Variants in PDS5B observed in about 807,000 individuals in gnomAD.
PDS5B encodes PDS5 cohesin associated factor B, also known as sister chromatid cohesion protein PDS5 homolog B.
In PDS5B, 51 loss-of-function variants were observed where a neutral mutation model predicts 184.1. The observed-to-expected ratio is 0.28, with a 90% CI of 0.22 to 0.35. PDS5B has a LOEUF of 0.35. Among genes scored for constraint, PDS5B ranks in the 10% least tolerant of loss-of-function variants. The pLI is 1.00. For missense variants in PDS5B, 1,180 were observed against 1,723.3 expected, an observed-to-expected ratio of 0.68 and a Z score of 5.58; for synonymous variants, 566 against 569.2, an observed-to-expected ratio of 0.99 and a Z score of 0.08.
intron 1 of PDS5B, among the ~76,000 whole-genome samples, chr13:32,625,419 T>C (rs2058356135): frequency 6.6e-6 from 1 of 152,190 alleles, no homozygotes; most frequent in African/African-American, 2.4e-5. Flanking sequence ...GCACATTTCA[T>C]TGTGACAGCA....
intron 6 of PDS5B, among the ~76,000 whole-genome samples, chr13:32,666,600 T>TA (rs68181366): frequency 5.1e-4 from 75 of 148,264 alleles, no homozygotes; most frequent in Middle Eastern, 3.5e-3. Context: ...TACATATCCA[T>TA]AAAAAAAAAA....
chr13:32,744,265 G>C (rs1953667506), intron 23 of PDS5B, among the ~76,000 whole-genome samples: 1 of 152,094 alleles, frequency 6.6e-6, no homozygotes. Context: ...AATGTAATTG[G>C]AATAATACCC....
chr13:32,708,366 T>A (rs1952093201), intron 18 of PDS5B, among the ~76,000 whole-genome samples: 1 of 152,234 alleles, frequency 6.6e-6, no homozygotes, highest in Non-Finnish European at 1.5e-5. Flanking sequence ...ATCACTAGTA[T>A]TTTCCTATTG....
chr13:32,660,097 G>A (rs1307489460), intron 6 of PDS5B, among the ~76,000 whole-genome samples: 6 of 152,182 alleles, frequency 3.9e-5, no homozygotes, highest in South Asian at 2.1e-4. Flanking sequence ...TGGGTTCCTA[G>A]TCAGCTGCCA....
chr13:32,727,084 TG>T, intron 19 of PDS5B, among the ~76,000 whole-genome samples: 1 of 152,236 alleles, frequency 6.6e-6, no homozygotes, highest in South Asian at 2.1e-4. Context: ...ATTGATATGG[TG>T]GGGTTTAAAG....
intron 7 of PDS5B, 99 bp from the exon 8 acceptor site, chr13:32,673,117 T>C: frequency 9.5e-7 from 1 of 1,052,420 alleles, no homozygotes; most frequent in Non-Finnish European, 1.4e-6. Flanking sequence ...TAGTTTGACT[T>C]TGTATAAAAT....
chr13:32,654,897 A>G (rs954516135), intron 3 of PDS5B, among the ~76,000 whole-genome samples: 29 of 152,154 alleles, frequency 1.9e-4, no homozygotes, highest in African/African-American at 7.0e-4. Flanking sequence ...TCCATGGTGT[A>G]TATGAAATAT....
Position 32,746,013 on chromosome 13 carries a change from G to A in PDS5B, c.2649G>A (p.Gly883=), listed in dbSNP as rs1173743201. 1 of 1,612,758 alleles carries A rather than the reference G, an allele frequency of 6.2e-7. No homozygotes were observed. The highest frequency in any genetic ancestry group is 1.7e-5 in the Admixed American group (1 of 60,006). ...TGTCACGTCTGAGACTTGCTGCTGGGAGTGCTATTGTGAAGCTGGCACAAG... is the reference window on the plus strand; with the variant it reads ...TGTCACGTCTGAGACTTGCTGCTGGAAGTGCTATTGTGAAGCTGGCACAAG... The part of the protein sequence containing the change: ...PDMSRLRLAA[G]SAIVKLAQEP... The change falls in exon 24 of 35, where the codon GGG becomes GGA. Residue 883 remains glycine, a synonymous_variant. Transcript: ENST00000315596.
At chr13:32,750,477 G>A (rs17516498) in intron 24 of PDS5B, among the ~76,000 whole-genome samples, 67,079 of 151,846 alleles carry the variant, frequency 0.44, 15,221 homozygotes, top group African/African-American at 0.49. Context: ...GTTTCGTGGA[G>A]TATGAGGGTA....
intron 1 of PDS5B, among the ~76,000 whole-genome samples, chr13:32,602,258 C>G (rs2057988139): frequency 1.3e-5 from 2 of 152,100 alleles, no homozygotes; most frequent in African/African-American, 4.8e-5. Context: ...TCCCCTCACC[C>G]CACTACAGGC....
intron 1 of PDS5B, among the ~76,000 whole-genome samples, chr13:32,608,994 T>C (rs1470454476): frequency 6.6e-6 from 1 of 152,218 alleles, no homozygotes; most frequent in East Asian, 1.9e-4. Flanking sequence ...CACCCATTCA[T>C]GGAAAAGAAT....
At chr13:32,620,553 A>G (rs2140533882) in intron 1 of PDS5B, among the ~76,000 whole-genome samples, 1 of 151,928 alleles carries the variant, frequency 6.6e-6, no homozygotes, top group South Asian at 2.1e-4. Flanking sequence ...GCTACTTGGC[A>G]GGCTGAGGCG....
chr13:32,726,666 G>A (rs571436691), intron 19 of PDS5B, among the ~76,000 whole-genome samples: 1 of 152,280 alleles, frequency 6.6e-6, no homozygotes, highest in African/African-American at 2.4e-5. Context: ...TGAGAATAGT[G>A]TAGCCATTTG....
rs958559510 is a variant in PDS5B, at chr13:32,659,571, T to C, written c.624+291T>C. On this transcript the variant is annotated intron_variant, in intron 6 of 34. Transcript: ENST00000315596. Reference sequence around the variant, plus strand: ...AGCTACTTAGATGCTGTTACATAACTTACTTGTCAGAAGATGGAACCAAGT... The same window carrying C: ...AGCTACTTAGATGCTGTTACATAACCTACTTGTCAGAAGATGGAACCAAGT... Among the ~76,000 whole-genome samples the C allele has an allele frequency of 3.3e-5, 5 of 152,312 alleles. No individual in the cohort carries two copies. The East Asian group carries it at 9.6e-4, about 29-fold the overall frequency.
intron 8 of PDS5B, 51 bp from the exon 9 acceptor site, chr13:32,675,793 T>C: frequency 1.8e-6 from 2 of 1,094,628 alleles, no homozygotes; most frequent in Non-Finnish European, 2.8e-6. Context: ...GGCAGCCTTA[T>C]TCTGAATATC....
chr13:32,714,893 A>T (rs1952325807), intron 19 of PDS5B, among the ~76,000 whole-genome samples: 1 of 152,196 alleles, frequency 6.6e-6, no homozygotes, highest in Non-Finnish European at 1.5e-5. Context: ...TAAAGTAAAG[A>T]CAGGCATAGG....
At position 32,768,123 on chromosome 13, in the gene PDS5B, C is replaced by T. The variant is rs549830492; in HGVS notation, c.3625-1998C>T. On this transcript the variant is annotated intron_variant, in intron 31 of 34. Transcript: ENST00000315596. ...CAGCTCAAGCTGCCATTATAAAATA[C>T]CAAATACCACAGACTGGGTAGCTTA... Among the ~76,000 whole-genome samples the T allele has an allele frequency of 3.3e-5, 5 of 152,264 alleles. No individual in the cohort carries two copies. The South Asian group carries it at 6.2e-4, about 19-fold the overall frequency.
At chr13:32,588,235 A>C (rs1263565543) in intron 1 of PDS5B, among the ~76,000 whole-genome samples, 1 of 152,254 alleles carries the variant, frequency 6.6e-6, no homozygotes, top group African/African-American at 2.4e-5. Flanking sequence ...TGGTGATAGC[A>C]GAAAACCTAA....
chr13:32,721,529 TGGC>T (rs1173412335), intron 19 of PDS5B, among the ~76,000 whole-genome samples: 12 of 125,450 alleles, frequency 9.6e-5, no homozygotes, highest in South Asian at 2.7e-4. Context: ...CCAGACGGGG[TGGC>T]GGCCGGGCAG....
Sources: allele counts gnomAD v4.1 joint callset (sites outside exome capture counted in the v4.1 genomes callset), GRCh38; gene constraint gnomAD v4.1.1; transcripts MANE v1.5; gene names NCBI Gene and HGNC (gene_info 2026-07-23, HGNC 2026-07-21).